Variants in SIPA1L1 observed in about 807,000 individuals in gnomAD.
SIPA1L1 encodes the protein signal-induced proliferation-associated 1-like protein 1.
SIPA1L1 carries 26 observed loss-of-function variants against 162.7 expected under a neutral mutation model. That is an observed-to-expected ratio of 0.16 (90% CI 0.12 to 0.22). The LOEUF is 0.22. Among genes scored for constraint, SIPA1L1 ranks in the 10% least tolerant of loss-of-function variants. The pLI, the probability that SIPA1L1 is intolerant of heterozygous loss-of-function variation, is 1.00. For missense variants in SIPA1L1, 1,874 were observed against 2,241.0 expected (o/e 0.84, Z 3.31); for synonymous variants, 829 against 837.4 (o/e 0.99, Z 0.17).
chr14:71,725,878 A>G (rs2084194974), intron 19 of SIPA1L1, among the ~76,000 whole-genome samples: 1 of 152,226 alleles, frequency 6.6e-6, no homozygotes. Flanking sequence ...AGCTTTAAGA[A>G]GAACCTTGAG....
intron 2 of SIPA1L1, among the ~76,000 whole-genome samples, chr14:71,371,915 A>G (rs1375730581): frequency 2.6e-5 from 4 of 152,210 alleles, no homozygotes; most frequent in African/African-American, 9.7e-5. Context: ...TCTAGAGGTC[A>G]GGTGATGGTG....
chr14:71,543,897 T>C (rs1441496529), intron 4 of SIPA1L1, among the ~76,000 whole-genome samples: 6 of 114,008 alleles, frequency 5.3e-5, no homozygotes, highest in Non-Finnish European at 1.2e-4. Context: ...ATATCATACG[T>C]ATATGTGTGT....
chr14:71,460,200 C>T (rs960158626), intron 2 of SIPA1L1, among the ~76,000 whole-genome samples: 11 of 152,174 alleles, frequency 7.2e-5, no homozygotes, highest in African/African-American at 2.4e-4. Context: ...ACCACGTGGT[C>T]GTAGCTGGTA....
chr14:71,423,721 G>A (rs901014509), intron 2 of SIPA1L1, among the ~76,000 whole-genome samples: 2 of 152,114 alleles, frequency 1.3e-5, no homozygotes, highest in African/African-American at 4.8e-5. Context: ...TAGCGTTGTA[G>A]TAAGTTTTGA....
At chr14:71,499,749 ATTTGT>A (rs1280358568) in intron 2 of SIPA1L1, among the ~76,000 whole-genome samples, 5 of 151,992 alleles carry the variant, frequency 3.3e-5, no homozygotes, top group Admixed American at 6.6e-5. Context: ...GGCTTTTTTG[ATTTGT>A]TTTGTTTCAC....
At chr14:71,451,186 TAAAA>T (rs2045793580) in intron 2 of SIPA1L1, among the ~76,000 whole-genome samples, 3 of 151,070 alleles carry the variant, frequency 2.0e-5, no homozygotes, top group Non-Finnish European at 4.4e-5. Context: ...ATATGCAAAA[TAAAA>T]AAGTTGAACT....
intron 13 of SIPA1L1, among the ~76,000 whole-genome samples, chr14:71,694,842 G>A (rs2081505983): frequency 6.6e-6 from 1 of 152,218 alleles, no homozygotes; most frequent in Non-Finnish European, 1.5e-5. Flanking sequence ...AAAGTCTCTT[G>A]TGATCTTGCT....
At chr14:71,728,124 T>C (rs1032635590) in intron 19 of SIPA1L1, among the ~76,000 whole-genome samples, 1 of 152,204 alleles carries the variant, frequency 6.6e-6, no homozygotes, top group African/African-American at 2.4e-5. Flanking sequence ...CCAGGGGTGC[T>C]GAAAACTATT....
Position 71,589,207 on chromosome 14 carries a change from C to T in SIPA1L1, c.1335C>T (p.Ala445=). ...GCTCCTTTAGTGGATGTGAAAGTGC[C>T]TCCTTTGAGTCTACCCTTAGTTCCC... ...NSGSFSGCES[A]SFESTLSSHC... Residue 445 remains alanine, a synonymous_variant, in exon 5 of 24, where the codon GCC becomes GCT. Transcript: ENST00000381232. 2 of 1,614,106 alleles carry T rather than the reference C, an allele frequency of 1.2e-6. No individual in the cohort carries two copies. The highest frequency in any genetic ancestry group is 1.7e-6 in the Non-Finnish European group (2 of 1,179,978).
chr14:71,666,632 T>C (rs1236261150), intron 10 of SIPA1L1, among the ~76,000 whole-genome samples: 1 of 152,104 alleles, frequency 6.6e-6, no homozygotes, highest in African/African-American at 2.4e-5. Context: ...TAGAAATATG[T>C]GTTACTCCTC....
chr14:71,572,168 T>A (rs900518733), intron 4 of SIPA1L1, among the ~76,000 whole-genome samples: 2 of 152,250 alleles, frequency 1.3e-5, no homozygotes, highest in African/African-American at 4.8e-5. Flanking sequence ...ATTAATCCAT[T>A]AACCCATTAA....
At chr14:71,674,661 T>C (rs1485104103) in intron 12 of SIPA1L1, among the ~76,000 whole-genome samples, 2 of 148,802 alleles carry the variant, frequency 1.3e-5, no homozygotes, top group Non-Finnish European at 3.0e-5. Context: ...GCCTCCCGGG[T>C]TCACGCCATT....
intron 2 of SIPA1L1, among the ~76,000 whole-genome samples, chr14:71,412,519 G>A (rs925892104): frequency 3.3e-5 from 5 of 152,154 alleles, no homozygotes; most frequent in Admixed American, 6.5e-5. Flanking sequence ...CTGTTCTACC[G>A]TATTACATGA....
intron 2 of SIPA1L1, among the ~76,000 whole-genome samples, chr14:71,478,489 T>C (rs2048062691): frequency 6.6e-6 from 1 of 152,208 alleles, no homozygotes; most frequent in Non-Finnish European, 1.5e-5. Context: ...TTTTATAGTT[T>C]TACATTTAGA....
intron 2 of SIPA1L1, among the ~76,000 whole-genome samples, chr14:71,356,941 T>C (rs1045114276): frequency 6.6e-5 from 10 of 152,144 alleles, no homozygotes; most frequent in Admixed American, 1.3e-4. Flanking sequence ...TTGAGACTTA[T>C]GAATCAGTTA....
At chr14:71,435,592 G>T (rs1448627530) in intron 2 of SIPA1L1, among the ~76,000 whole-genome samples, 3 of 152,242 alleles carry the variant, frequency 2.0e-5, no homozygotes, top group Admixed American at 6.5e-5. Flanking sequence ...ACATTTGGGT[G>T]GGTTCCAAGT....
chr14:71,646,561 A>G (rs1327729698), intron 7 of SIPA1L1, among the ~76,000 whole-genome samples: 4 of 152,162 alleles, frequency 2.6e-5, no homozygotes, highest in African/African-American at 7.2e-5. Flanking sequence ...AGCTCACAAC[A>G]CTTTTAGTAA....
chr14:71,380,445 A>G (rs978233066), intron 2 of SIPA1L1, among the ~76,000 whole-genome samples: 5 of 152,172 alleles, frequency 3.3e-5, no homozygotes, highest in African/African-American at 9.7e-5. Context: ...AAATTGCTCC[A>G]TGTTCAGTCT....
intron 2 of SIPA1L1, among the ~76,000 whole-genome samples, chr14:71,368,073 A>T (rs1402746434): frequency 6.7e-6 from 1 of 149,836 alleles, no homozygotes; most frequent in East Asian, 1.9e-4. Context: ...GTTAGAAAAT[A>T]TACTAGACCT....
Sources: gnomAD v4.1 joint callset for allele counts (sites outside exome capture counted in the v4.1 genomes callset) on GRCh38, gnomAD v4.1.1 for gene constraint, MANE v1.5 for transcripts, NCBI Gene and HGNC (gene_info 2026-07-23, HGNC 2026-07-21) for gene names.